The following LDLRAD3 variants were observed in gnomAD, a reference collection of about 807,000 sequenced individuals.
The protein encoded by LDLRAD3 is low-density lipoprotein receptor class A domain-containing protein 3.
A neutral mutation model predicts 29.4 loss-of-function variants in LDLRAD3; 20 were observed. The observed-to-expected ratio is 0.68, with a 90% CI of 0.48 to 0.99. The LOEUF (loss-of-function observed/expected upper bound fraction) is 0.99. Among genes scored for constraint, LDLRAD3 ranks in the 50% least tolerant of loss-of-function variants. The pLI, the probability that LDLRAD3 is intolerant of heterozygous loss-of-function variation, is 0.00. For missense variants in LDLRAD3, 420 were observed against 454.3 expected, an observed-to-expected ratio of 0.92 and a Z score of 0.69; for synonymous variants, 157 against 192.7, an observed-to-expected ratio of 0.81 and a Z score of 1.53.
intron 1 of LDLRAD3, among the ~76,000 whole-genome samples, chr11:36,006,812 T>C (rs1590201805): frequency 6.6e-6 from 1 of 152,386 alleles, no homozygotes; most frequent in East Asian, 1.9e-4. Flanking sequence ...AATTGCCTTA[T>C]GGGCTCAAGC....
rs371925939 is a variant in LDLRAD3 at position 36,159,664 on chromosome 11, A to G, written c.454+61203A>G. On this transcript the variant is annotated intron_variant, in intron 4 of 5. Coordinates refer to ENST00000315571, the MANE Select transcript of LDLRAD3 (RefSeq NM_174902.4). ...GACATGCTCCTGTAGTCCCAGCTAC[A>G]TGGGAAGCTGAGGTGGGAGGATTGC... is the stretch of plus-strand genomic sequence containing the variant. 3.3e-5 allele frequency among the ~76,000 whole-genome samples: 5 copies of G among 150,006 alleles called. No individual in the cohort carries two copies. In the East Asian group the frequency reaches 9.9e-4, roughly 30 times the overall value.
intron 4 of LDLRAD3, among the ~76,000 whole-genome samples, chr11:36,154,130 A>T (rs1294640708): frequency 6.6e-6 from 1 of 152,174 alleles, no homozygotes; most frequent in Non-Finnish European, 1.5e-5. Context: ...TTCTTTTTGT[A>T]AAGAGATGAG....
rs77810293 is a variant in LDLRAD3, at chr11:36,034,643, G to A, written c.47-1460G>A. On this transcript the variant is annotated intron_variant, in intron 1 of 5. Coordinates refer to ENST00000315571, the MANE Select transcript of LDLRAD3 (RefSeq NM_174902.4). ...CGGTGGGGTGTTGCTTGCCTGTGAC[G>A]GTGTCCATTGCAATTGGTTGTTGCC... Among the ~76,000 whole-genome samples the A allele has an allele frequency of 2.8e-3, 426 of 152,232 alleles. 18 individuals carry two copies. The East Asian group carries it at 0.077, about 28-fold the overall frequency.
chr11:36,147,240 C>T (rs1427369585), intron 4 of LDLRAD3, among the ~76,000 whole-genome samples: 1 of 149,508 alleles, frequency 6.7e-6, no homozygotes, highest in Non-Finnish European at 1.5e-5. Flanking sequence ...GCCTCAGCCT[C>T]CCGAGTAGCT....
chr11:35,995,960 C>A (rs970719604), intron 1 of LDLRAD3, among the ~76,000 whole-genome samples: 1 of 152,324 alleles, frequency 6.6e-6, no homozygotes, highest in East Asian at 1.9e-4. Context: ...TTTGATTTTT[C>A]TCTCCAGACC....
chr11:36,056,679 A>G (rs961974477), intron 2 of LDLRAD3, among the ~76,000 whole-genome samples: 1 of 152,184 alleles, frequency 6.6e-6, no homozygotes, highest in Non-Finnish European at 1.5e-5. Flanking sequence ...ATCATGATTG[A>G]CTTAGCTCCT....
chr11:36,095,134 T>A (rs1590262589), intron 3 of LDLRAD3, among the ~76,000 whole-genome samples: 1 of 152,230 alleles, frequency 6.6e-6, no homozygotes, highest in African/African-American at 2.4e-5. Flanking sequence ...TATGGTGAGG[T>A]ATGATTACAC....
At chr11:36,194,386 A>G (rs1170771413) in intron 4 of LDLRAD3, among the ~76,000 whole-genome samples, 1 of 152,204 alleles carries the variant, frequency 6.6e-6, no homozygotes, top group African/African-American at 2.4e-5. Flanking sequence ...CAGAACTTCT[A>G]AGGGGCCAGG....
chr11:36,202,350 AT>A (rs1855139356), intron 4 of LDLRAD3, among the ~76,000 whole-genome samples: 1 of 152,110 alleles, frequency 6.6e-6, no homozygotes, highest in Non-Finnish European at 1.5e-5. Context: ...GGACATCTTT[AT>A]CTATAATGCA....
At chr11:36,157,396 T>G (rs1854370217) in intron 4 of LDLRAD3, among the ~76,000 whole-genome samples, 1 of 152,340 alleles carries the variant, frequency 6.6e-6, no homozygotes, top group African/African-American at 2.4e-5. Context: ...AGGGAGTTAA[T>G]TGAAGAGTTT....
At chr11:36,003,032 A>G (rs571932839) in intron 1 of LDLRAD3, among the ~76,000 whole-genome samples, 1 of 152,334 alleles carries the variant, frequency 6.6e-6, no homozygotes, top group East Asian at 1.9e-4. Context: ...AAGACAAAGA[A>G]TGTGCAATTT....
rs754471821 is a variant in LDLRAD3 at position 36,227,414 on chromosome 11, G to A, written c.784G>A (p.Ala262Thr). ...AGGCTCCCCACCCTCCTACTCCGAG[G>A]CCTTGCTGGACCAGAGGTGTGTGCT... is the stretch of plus-strand genomic sequence containing the variant. ...EVGSPPSYSE[A>T]LLDQRPAWYD... The change falls in exon 5 of 6, where the codon GCC becomes ACC. Residue 262 changes from alanine (A) to threonine (T), a missense_variant. Around this residue, in one of 3 missense-constraint regions of LDLRAD3, gnomAD observed 140 missense variants for 139.9 expected, o/e 1.00. Transcript: ENST00000315571. 1.9e-6 allele frequency: 3 copies of A among 1,581,052 alleles called. No homozygotes were observed. Among genetic ancestry groups the A allele is most frequent in the Non-Finnish European group, 2.6e-6 (3 of 1,164,062 alleles).
chr11:36,168,519 T>A (rs1014358), intron 4 of LDLRAD3, among the ~76,000 whole-genome samples: 10,296 of 148,846 alleles, frequency 0.069, 582 homozygotes, highest in East Asian at 0.32. Context: ...TTTTTTTTTT[T>A]ACTGCCTCAG....
At chr11:36,010,442 T>G (rs767689946) in intron 1 of LDLRAD3, among the ~76,000 whole-genome samples, 11 of 152,308 alleles carry the variant, frequency 7.2e-5, no homozygotes, top group Non-Finnish European at 1.2e-4. Context: ...GCCTAAAAAT[T>G]TCCAATAGCT....
At chr11:36,149,892 C>G (rs1854252414) in intron 4 of LDLRAD3, among the ~76,000 whole-genome samples, 2 of 152,088 alleles carry the variant, frequency 1.3e-5, no homozygotes, top group Non-Finnish European at 2.9e-5. Flanking sequence ...TTCCTCATGA[C>G]TCATGACTCA....
intron 4 of LDLRAD3, among the ~76,000 whole-genome samples, chr11:36,225,592 G>A (rs561865194): frequency 4.6e-5 from 7 of 152,242 alleles, no homozygotes; most frequent in East Asian, 1.9e-4. Flanking sequence ...AGAGCAGAAC[G>A]CTGGGGCCAG....
intron 3 of LDLRAD3, 104 bp from the exon 4 acceptor site, chr11:36,098,223 T>G (rs1853391925): frequency 7.2e-7 from 1 of 1,386,766 alleles, no homozygotes; most frequent in Non-Finnish European, 1.0e-6. Context: ...GAAGATAAGC[T>G]TACTGCTTCC....
rs550520784 is a variant in LDLRAD3 at position 36,087,677 on chromosome 11, A to G, written c.319+5899A>G. On this transcript the variant is annotated intron_variant, in intron 3 of 5. Transcript: ENST00000315571. ...TTTCCAGGTTTAGCATTCATTTTGC[A>G]CTCAGGAGTGAGGATAAGCAAAAAC... Among the ~76,000 whole-genome samples, 3 of 152,152 alleles carry G rather than the reference A, an allele frequency of 2.0e-5. No individual in the cohort carries two copies. The South Asian group carries it at 6.2e-4, about 32-fold the overall frequency.
chr11:36,005,829 A>G (rs1479744068), intron 1 of LDLRAD3, among the ~76,000 whole-genome samples: 1 of 152,172 alleles, frequency 6.6e-6, no homozygotes, highest in East Asian at 1.9e-4. Context: ...AGGTGAAGGG[A>G]AAGCAAGGAC....
Sources: gnomAD v4.1 joint callset for allele counts (sites outside exome capture counted in the v4.1 genomes callset) on GRCh38, gnomAD v4.1.1 for gene constraint, gnomAD v4.1.1 regional missense constraint, MANE v1.5 for transcripts, NCBI Gene and HGNC (gene_info 2026-07-23, HGNC 2026-07-21) for gene names.